The following PSMB7 variants were observed in gnomAD, a reference collection of about 807,000 sequenced individuals.
PSMB7 encodes the protein proteasome subunit beta type-7.
PSMB7 carries 5 observed loss-of-function variants against 28.1 expected under a neutral mutation model. That is an observed-to-expected ratio of 0.18 (90% CI 0.09 to 0.37). The LOEUF (loss-of-function observed/expected upper bound fraction) is 0.37, where lower values mean the gene tolerates loss of function less well. Ranked by LOEUF, PSMB7 falls within the 10% of genes least tolerant of loss-of-function variation. The pLI is 1.00. For missense variants in PSMB7, 275 were observed against 346.2 expected, an observed-to-expected ratio of 0.79 and a Z score of 1.63; for synonymous variants, 122 against 123.7, an observed-to-expected ratio of 0.99 and a Z score of 0.09.
chr9:124,406,032 GA>G (rs1830959051), intron 4 of PSMB7, among the ~76,000 whole-genome samples: 1 of 152,008 alleles, frequency 6.6e-6, no homozygotes, highest in African/African-American at 2.4e-5. Flanking sequence ...TTTTAGAAAA[GA>G]AAAAACCAAC....
Position 124,412,433 on chromosome 9 carries a change from T to C in PSMB7, c.314A>G (p.Asn105Ser), listed in dbSNP as rs758684366. 1.2e-6 allele frequency: 2 copies of C among 1,614,034 alleles called. No individual in the cohort carries two copies. Among genetic ancestry groups the C allele is most frequent in the East Asian group, 2.2e-5 (1 of 44,870 alleles). ...TDMTTQLISSNLELHSLSTGR... is the reference protein window; with the variant it reads ...TDMTTQLISSSLELHSLSTGR... ...AGTGGAGAGGGAGTGGAGCTCCAGG[T>C]TGGAAGAAATGAGCTGGGTTGTCAT... Residue 105 changes from asparagine (N) to serine (S), a missense_variant, in exon 4 of 8, where the codon AAC becomes AGC. By Grantham distance (46) the Asn-to-Ser change is conservative. Transcript: ENST00000259457.
At position 124,405,367 on chromosome 9, in the gene PSMB7, T is replaced by C; in HGVS notation, c.461A>G (p.Tyr154Cys). The change falls in exon 5 of 8, where the codon TAC (tyrosine) becomes TGC (cysteine). Residue 154 changes from tyrosine (Y) to cysteine (C), a missense_variant. Physicochemically the swap from Tyr to Cys is radical, Grantham distance 194. Transcript: ENST00000259457. ...AGTTGATCCATGAGGATAGATGCTG[T>C]AGAGGTGAGGTCCAGTAACATCTAC... is the stretch of plus-strand genomic sequence containing the variant. ...GGVDVTGPHL[Y>C]SIYPHGSTDK... is the part of the protein sequence containing the mutation. The C allele has an allele frequency of 6.2e-7, 1 of 1,613,944 alleles. No homozygotes were observed. The highest frequency in any genetic ancestry group is 8.5e-7 in the Non-Finnish European group (1 of 1,179,872).
At chr9:124,389,109 C>A (rs1042951182) in intron 5 of PSMB7, among the ~76,000 whole-genome samples, 1 of 152,190 alleles carries the variant, frequency 6.6e-6, no homozygotes, top group Non-Finnish European at 1.5e-5. Flanking sequence ...CAATATTTAT[C>A]GCCTAGTTTA....
intron 6 of PSMB7, among the ~76,000 whole-genome samples, chr9:124,376,923 A>G (rs1830616162): frequency 6.6e-6 from 1 of 152,230 alleles, no homozygotes; most frequent in African/African-American, 2.4e-5. Context: ...GAATTGCTGA[A>G]AAGTAAATGA....
At position 124,365,188 on chromosome 9, in the gene PSMB7, G is replaced by A. The variant is rs1326210606; in HGVS notation, c.571-8273C>T. 2.0e-5 allele frequency among the ~76,000 whole-genome samples: 3 copies of A among 152,234 alleles called. No homozygotes were observed. In the East Asian group the frequency reaches 5.8e-4, roughly 29 times the overall value. On this transcript the variant is annotated intron_variant, in intron 6 of 7. Transcript: ENST00000259457. ...CACGCTGTGCTGAACAATGGAGACA[G>A]GCCTGAACACAGAGCCTGCCCATGA...
Position 124,353,545 on chromosome 9 carries a change from G to C in PSMB7, c.*53C>G. 1 of 1,270,746 alleles carries C rather than the reference G, an allele frequency of 7.9e-7. No individual in the cohort carries two copies. Among genetic ancestry groups the C allele is most frequent in the East Asian group, 2.3e-5 (1 of 43,196 alleles). The allele number at this position is 1,270,746 out of a possible 1,614,324, so 78.7% of individuals were successfully genotyped here. Reference sequence around the variant, plus strand: ...ACTAGCCACATGAGTGTCTTACTGGGCCTCAATGCTCACCACCTTCCAGAA... The same window carrying C: ...ACTAGCCACATGAGTGTCTTACTGGCCCTCAATGCTCACCACCTTCCAGAA... On this transcript the variant is annotated 3_prime_UTR_variant, in exon 8 of 8. Coordinates refer to ENST00000259457, the MANE Select transcript of PSMB7 (RefSeq NM_002799.4).
chr9:124,380,162 C>T (rs1446031273), intron 6 of PSMB7, among the ~76,000 whole-genome samples: 1 of 152,250 alleles, frequency 6.6e-6, no homozygotes, highest in Admixed American at 6.5e-5. Context: ...ATTCAAAGAA[C>T]AGTGAGCAGA....
chr9:124,353,803 G>A (rs1349685010), intron 7 of PSMB7, 94 bp from the exon 8 acceptor site: 5 of 907,554 alleles, frequency 5.5e-6, no homozygotes, highest in Non-Finnish European at 8.8e-6. Flanking sequence ...GCAACGCAGT[G>A]AGCAGGCTGG....
intron 6 of PSMB7, among the ~76,000 whole-genome samples, chr9:124,364,504 C>T (rs1265832346): frequency 7.0e-6 from 1 of 142,352 alleles, no homozygotes; most frequent in African/African-American, 2.6e-5. Flanking sequence ...CAAGGCTACA[C>T]TGAATCAAAT....
intron 6 of PSMB7, among the ~76,000 whole-genome samples, chr9:124,359,151 T>G (rs746002949): frequency 1.3e-5 from 2 of 152,228 alleles, no homozygotes; most frequent in Non-Finnish European, 2.9e-5. Flanking sequence ...ATGCTGTTAT[T>G]TAAGTATGAA....
chr9:124,361,920 A>G (rs775224098), intron 6 of PSMB7, among the ~76,000 whole-genome samples: 1 of 152,222 alleles, frequency 6.6e-6, no homozygotes, highest in Non-Finnish European at 1.5e-5. Flanking sequence ...CACTTAAGTG[A>G]TTTTTAGATT....
chr9:124,414,015 A>G lies in PSMB7; in HGVS notation c.157-10T>C. ...CAAGAACTATGCCATCCTATTAAAA[A>G]AAAAAGTTTTTAAACAATTTTACAA... On this transcript the variant is annotated splice_polypyrimidine_tract_variant and intron_variant, in intron 2 of 7. Coordinates refer to ENST00000259457, the MANE Select transcript of PSMB7 (RefSeq NM_002799.4). The G allele has an allele frequency of 1.3e-6, 2 of 1,594,910 alleles. No homozygotes were observed. The highest frequency in any genetic ancestry group is 1.7e-6 in the Non-Finnish European group (2 of 1,168,666).
Position 124,405,901 on chromosome 9 carries a change from G to T in PSMB7, c.396-469C>A, listed in dbSNP as rs533177335. ...GCGTCTCGCCAAATTGCCCAGGCTGGTCTCAAACTCCTGGACTCAAGCAAT... is the reference window on the plus strand; with the variant it reads ...GCGTCTCGCCAAATTGCCCAGGCTGTTCTCAAACTCCTGGACTCAAGCAAT... On this transcript the variant is annotated intron_variant, in intron 4 of 7. Coordinates refer to ENST00000259457, the MANE Select transcript of PSMB7 (RefSeq NM_002799.4). 5.3e-5 allele frequency among the ~76,000 whole-genome samples: 8 copies of T among 151,970 alleles called. No individual in the cohort carries two copies. The South Asian group carries it at 1.5e-3, about 28-fold the overall frequency.
At chr9:124,390,152 ATAAC>A (rs1830769810) in intron 5 of PSMB7, among the ~76,000 whole-genome samples, 1 of 152,266 alleles carries the variant, frequency 6.6e-6, no homozygotes, top group African/African-American at 2.4e-5. Flanking sequence ...TTGAAGTAAA[ATAAC>A]TACCTTTTGC....
At chr9:124,358,327 TG>T (rs1830434270) in intron 6 of PSMB7, among the ~76,000 whole-genome samples, 1 of 152,220 alleles carries the variant, frequency 6.6e-6, no homozygotes, top group Admixed American at 6.5e-5. Context: ...AAGGTTCTGC[TG>T]GAAGTGGGCT....
chr9:124,391,081 T>C (rs138694050), intron 5 of PSMB7, among the ~76,000 whole-genome samples: 5 of 152,220 alleles, frequency 3.3e-5, no homozygotes, highest in African/African-American at 9.6e-5. Context: ...TATCCAGAAG[T>C]GTACTCTTGG....
chr9:124,413,153 CAAAA>C (rs61132576), intron 3 of PSMB7, among the ~76,000 whole-genome samples: 1 of 47,256 alleles, frequency 2.1e-5, no homozygotes, highest in Admixed American at 3.0e-4. Flanking sequence ...GCATCTCTCC[CAAAA>C]AAAAAAAAAA....
At chr9:124,365,588 CA>C (rs1830499915) in intron 6 of PSMB7, among the ~76,000 whole-genome samples, 1 of 152,152 alleles carries the variant, frequency 6.6e-6, no homozygotes, top group Non-Finnish European at 1.5e-5. Flanking sequence ...TTTTGGACAA[CA>C]ACGGACTGCA....
chr9:124,359,823 A>G (rs1830450391), intron 6 of PSMB7, among the ~76,000 whole-genome samples: 1 of 152,174 alleles, frequency 6.6e-6, no homozygotes, highest in Admixed American at 6.5e-5. Flanking sequence ...TACCACTTCA[A>G]GGGCCTTCTT....
Sources: allele counts gnomAD v4.1 joint callset (sites outside exome capture counted in the v4.1 genomes callset), GRCh38; gene constraint gnomAD v4.1.1; transcripts MANE v1.5; gene names NCBI Gene and HGNC (gene_info 2026-07-23, HGNC 2026-07-21).